PDZRN4: variants seen among roughly 807,000 people sequenced by gnomAD.
The protein encoded by PDZRN4 is PDZ domain containing ring finger 4.
Under a neutral mutation model 99.0 loss-of-function variants are expected in PDZRN4, and 70 were observed. That is an observed-to-expected ratio of 0.71 (90% confidence interval 0.58 to 0.86). The LOEUF (loss-of-function observed/expected upper bound fraction) is 0.86, where lower values mean the gene tolerates loss of function less well. Among genes scored for constraint, PDZRN4 ranks in the 40% least tolerant of loss-of-function variants. The pLI is 0.00. For missense variants in PDZRN4, 1,474 were observed against 1,331.2 expected (o/e 1.11, Z -1.67); for synonymous variants, 551 against 501.6 (o/e 1.10, Z -1.32).
chr12:41,411,752 C>T (rs1046357468), intron 3 of PDZRN4: 4 of 152,200 alleles, frequency 2.6e-5, no homozygotes, highest in Non-Finnish European at 4.4e-5. Context: ...CTTTACAAGG[C>T]CCTGTAGTAA....
chr12:41,262,691 G>C (rs1951248977), intron 3 of PDZRN4, among the ~76,000 whole-genome samples: 1 of 150,788 alleles, frequency 6.6e-6, no homozygotes, highest in Non-Finnish European at 1.5e-5. Context: ...CTATAGAAGT[G>C]ATCACTGACA....
chr12:41,406,266 T>C lies in PDZRN4; in HGVS notation c.844-100190T>C, dbSNP rs79206953. Among the ~76,000 whole-genome samples the C allele has an allele frequency of 1.7e-3, 258 of 152,130 alleles. 7 individuals carry two copies. In the East Asian group the frequency reaches 0.03, roughly 18 times the overall value. On this transcript the variant is annotated intron_variant, in intron 3 of 9. Transcript: ENST00000402685. ...TTTCCACAGTGTTTACTAAGAGCAA[T>C]GTTATATTTAGTGAGAAGAAAAGAA... is the stretch of plus-strand genomic sequence containing the variant.
At position 41,323,283 on chromosome 12, in the gene PDZRN4, T is replaced by C. The variant is rs533321251; in HGVS notation, c.843+129095T>C. 3.7e-4 allele frequency among the ~76,000 whole-genome samples: 57 copies of C among 152,296 alleles called. 1 individual carries two copies. The East Asian group carries it at 0.01, about 27-fold the overall frequency. ...ATATTTAAATAAAGTAATTCTTCATTTGTATTGGAATGAAAGCTCAAAGTC... is the reference window on the plus strand; with the variant it reads ...ATATTTAAATAAAGTAATTCTTCATCTGTATTGGAATGAAAGCTCAAAGTC... On this transcript the variant is annotated intron_variant, in intron 3 of 9. Transcript: ENST00000402685.
chr12:41,310,367 T>A (rs913058802), intron 3 of PDZRN4, among the ~76,000 whole-genome samples: 3 of 152,164 alleles, frequency 2.0e-5, no homozygotes, highest in Non-Finnish European at 4.4e-5. Context: ...TTTTACATGA[T>A]AACAATCTGT....
intron 6 of PDZRN4, among the ~76,000 whole-genome samples, chr12:41,554,837 G>A (rs1939118411): frequency 6.6e-6 from 1 of 151,994 alleles, no homozygotes; most frequent in African/African-American, 2.4e-5. Flanking sequence ...GTGTGTGTGT[G>A]TGTTTCTTGA....
At chr12:41,477,856 A>G in intron 3 of PDZRN4, 1 of 1,533,040 alleles carries the variant, frequency 6.5e-7, no homozygotes. Flanking sequence ...TTTTTCTTGC[A>G]TTTTTCAGGT....
intron 3 of PDZRN4, among the ~76,000 whole-genome samples, chr12:41,432,865 T>C (rs1952596589): frequency 6.6e-6 from 1 of 152,174 alleles, no homozygotes; most frequent in Admixed American, 6.5e-5. Context: ...TGTAGACGTG[T>C]ATAGAGCAGT....
intron 3 of PDZRN4, among the ~76,000 whole-genome samples, chr12:41,482,944 T>C (rs536880274): frequency 6.6e-6 from 1 of 152,148 alleles, no homozygotes; most frequent in African/African-American, 2.4e-5. Flanking sequence ...ACATTTTTAA[T>C]ATTATGCAAT....
chr12:41,271,477 T>C (rs2116131), intron 3 of PDZRN4, among the ~76,000 whole-genome samples: 13,188 of 152,206 alleles, frequency 0.087, 830 homozygotes, highest in Non-Finnish European at 0.12. Context: ...TATTTTCTCT[T>C]ATTCCAAAAC....
chr12:41,316,585 A>T (rs555975262), intron 3 of PDZRN4, among the ~76,000 whole-genome samples: 4 of 152,052 alleles, frequency 2.6e-5, no homozygotes, highest in Non-Finnish European at 4.4e-5. Context: ...AATAATACAA[A>T]TGTCTATTTC....
chr12:41,496,572 G>A (rs938214681), intron 3 of PDZRN4, among the ~76,000 whole-genome samples: 1 of 152,052 alleles, frequency 6.6e-6, no homozygotes, highest in Non-Finnish European at 1.5e-5. Context: ...GGGCATTGAG[G>A]GGTTTAAGAG....
At chr12:41,258,343 G>A (rs1176695651) in intron 3 of PDZRN4, among the ~76,000 whole-genome samples, 3 of 152,092 alleles carry the variant, frequency 2.0e-5, no homozygotes, top group Non-Finnish European at 2.9e-5. Context: ...AATAGAAGGA[G>A]GGAGGAAAGG....
rs539960456 is a variant in PDZRN4 at position 41,277,730 on chromosome 12, C to T, written c.843+83542C>T. ...GGTTGGTGAACAGCTCTTGTTGCAA[C>T]GATTGAAGAGACTCTGCTGCTCTTT... On this transcript the variant is annotated intron_variant, in intron 3 of 9. Transcript: ENST00000402685. Among the ~76,000 whole-genome samples, 21 of 152,220 alleles carry T rather than the reference C, an allele frequency of 1.4e-4. No homozygotes were observed. In the South Asian group the frequency reaches 4.1e-3, roughly 30 times the overall value.
At chr12:41,506,389 A>G (rs1938205276) in intron 3 of PDZRN4, 67 bp from the exon 4 acceptor site, 3 of 1,437,772 alleles carry the variant, frequency 2.1e-6, no homozygotes, top group Non-Finnish European at 2.8e-6. Flanking sequence ...TCTGTCTTTT[A>G]TTAATCTATC....
chr12:41,404,674 C>T (rs114579796), intron 3 of PDZRN4, among the ~76,000 whole-genome samples: 5,150 of 151,578 alleles, frequency 0.034, 121 homozygotes, highest in African/African-American at 0.072. Context: ...AAAATTCATA[C>T]CGAACTGAAA....
intron 7 of PDZRN4, among the ~76,000 whole-genome samples, chr12:41,563,318 T>G (rs1939305516): frequency 1.3e-5 from 2 of 152,118 alleles, no homozygotes; most frequent in Non-Finnish European, 2.9e-5. Flanking sequence ...GGTTGGACAT[T>G]TATGAACATA....
chr12:41,429,590 A>C (rs542813383), intron 3 of PDZRN4, among the ~76,000 whole-genome samples: 3 of 152,230 alleles, frequency 2.0e-5, no homozygotes, highest in Non-Finnish European at 4.4e-5. Context: ...GGCAATGGAA[A>C]GTACTGGTTA....
At chr12:41,269,030 T>C (rs1951297173) in intron 3 of PDZRN4, among the ~76,000 whole-genome samples, 1 of 152,182 alleles carries the variant, frequency 6.6e-6, no homozygotes, top group African/African-American at 2.4e-5. Flanking sequence ...GCCTTGAGCT[T>C]GGAGAGCAAA....
At chr12:41,460,160 A>G (rs1952857547) in intron 3 of PDZRN4, 4 of 1,031,790 alleles carry the variant, frequency 3.9e-6, no homozygotes, top group Admixed American at 3.4e-5. Flanking sequence ...TTTTATGTAT[A>G]TATTGGTTGC....
Sources: gnomAD v4.1 joint callset for allele counts (sites outside exome capture counted in the v4.1 genomes callset) on GRCh38, gnomAD v4.1.1 for gene constraint, MANE v1.5 for transcripts, NCBI Gene and HGNC (gene_info 2026-07-23, HGNC 2026-07-21) for gene names.